The following CDH13 variants were observed in gnomAD, a reference collection of about 807,000 sequenced individuals.
CDH13 encodes the protein cadherin-13.
In CDH13, 24 loss-of-function variants were observed where a neutral mutation model predicts 63.8. The observed-to-expected ratio is 0.38, with a 90% CI of 0.27 to 0.53. CDH13 has a LOEUF of 0.53. CDH13 is among the 20% of genes least tolerant of loss of function. The pLI, the probability that CDH13 is intolerant of heterozygous loss-of-function variation, is 0.85. For missense variants in CDH13, 1,049 were observed against 903.1 expected (o/e 1.16, Z -2.07); for synonymous variants, 503 against 355.3 (o/e 1.42, Z -4.67).
At chr16:83,267,273 T>C (rs1907738428) in intron 5 of CDH13, among the ~76,000 whole-genome samples, 1 of 152,184 alleles carries the variant, frequency 6.6e-6, no homozygotes, top group South Asian at 2.1e-4. Flanking sequence ...ATTCCCCACC[T>C]CCGCAGCATC....
chr16:83,530,238 C>G (rs916162498), intron 7 of CDH13, among the ~76,000 whole-genome samples: 7 of 152,168 alleles, frequency 4.6e-5, no homozygotes, highest in African/African-American at 1.4e-4. Flanking sequence ...CAGTGAAGCT[C>G]TCAGTTGAGA....
intron 1 of CDH13, among the ~76,000 whole-genome samples, chr16:82,854,451 C>G (rs564958850): frequency 6.7e-6 from 1 of 148,998 alleles, no homozygotes; most frequent in East Asian, 2.0e-4. Flanking sequence ...ATAGCAGTAA[C>G]TAGAACATTC....
intron 2 of CDH13, among the ~76,000 whole-genome samples, chr16:82,932,640 C>G (rs766345089): frequency 2.0e-5 from 3 of 152,064 alleles, no homozygotes; most frequent in Non-Finnish European, 4.4e-5. Flanking sequence ...TCTCATGGGA[C>G]GTATTTACTT....
At chr16:83,688,000 A>G (rs1485597960) in intron 10 of CDH13, among the ~76,000 whole-genome samples, 2 of 152,192 alleles carry the variant, frequency 1.3e-5, no homozygotes, top group Non-Finnish European at 2.9e-5. Flanking sequence ...GATGCTTTTT[A>G]ACTTTACAGT....
intron 2 of CDH13, among the ~76,000 whole-genome samples, chr16:82,865,339 A>G (rs1254000590): frequency 6.6e-6 from 1 of 152,220 alleles, no homozygotes; most frequent in African/African-American, 2.4e-5. Context: ...CTTAGCAGAA[A>G]TTCTCCATGA....
At chr16:82,669,718 T>C (rs1056048788) in intron 1 of CDH13, among the ~76,000 whole-genome samples, 1 of 152,224 alleles carries the variant, frequency 6.6e-6, no homozygotes, top group African/African-American at 2.4e-5. Context: ...CTCTAGAATG[T>C]AGATCAATTA....
At chr16:83,468,889 T>C (rs2073386186) in intron 6 of CDH13, among the ~76,000 whole-genome samples, 1 of 152,234 alleles carries the variant, frequency 6.6e-6, no homozygotes, top group Admixed American at 6.5e-5. Flanking sequence ...CCTGCACGCA[T>C]TAGCCCAGTG....
At chr16:83,038,971 T>C (rs1917103301) in intron 3 of CDH13, among the ~76,000 whole-genome samples, 1 of 152,162 alleles carries the variant, frequency 6.6e-6, no homozygotes, top group African/African-American at 2.4e-5. Context: ...TATTCTGACA[T>C]TGGGTTTGGG....
At chr16:82,695,293 C>T (rs1020087474) in intron 1 of CDH13, among the ~76,000 whole-genome samples, 1 of 152,160 alleles carries the variant, frequency 6.6e-6, no homozygotes, top group South Asian at 2.1e-4. Context: ...TTTCTGAATC[C>T]TCAGATGTAA....
chr16:82,741,589 C>T (rs1159257881), intron 1 of CDH13, among the ~76,000 whole-genome samples: 2 of 152,088 alleles, frequency 1.3e-5, no homozygotes, highest in Admixed American at 6.5e-5. Flanking sequence ...CATCTCCATG[C>T]CTGTAACATG....
intron 2 of CDH13, among the ~76,000 whole-genome samples, chr16:82,869,556 A>T (rs769350058): frequency 2.0e-5 from 3 of 152,206 alleles, no homozygotes; most frequent in Non-Finnish European, 4.4e-5. Context: ...ACAAAATTAG[A>T]GTTATCACGT....
At chr16:82,860,549 A>G (rs754567481) in intron 2 of CDH13, among the ~76,000 whole-genome samples, 7 of 152,254 alleles carry the variant, frequency 4.6e-5, no homozygotes, top group African/African-American at 7.2e-5. Flanking sequence ...AATTGAGGAC[A>G]CTTAAATTTT....
intron 2 of CDH13, among the ~76,000 whole-genome samples, chr16:82,904,740 G>A (rs922547009): frequency 6.6e-6 from 1 of 152,158 alleles, no homozygotes. Context: ...GGTTTAACGG[G>A]TGGTCAGTAT....
At chr16:83,192,066 G>A (rs948190398) in intron 4 of CDH13, among the ~76,000 whole-genome samples, 9 of 152,114 alleles carry the variant, frequency 5.9e-5, no homozygotes, top group East Asian at 1.9e-4. Flanking sequence ...CAATCTGCAC[G>A]GATACTCGGT....
At chr16:83,509,175 A>G (rs767904960) in intron 7 of CDH13, among the ~76,000 whole-genome samples, 125 of 152,332 alleles carry the variant, frequency 8.2e-4, no homozygotes, top group Non-Finnish European at 1.6e-3. Context: ...CAAAGATGTA[A>G]GAGCTGATGC....
intron 1 of CDH13, among the ~76,000 whole-genome samples, chr16:82,730,863 T>G (rs2033364533): frequency 6.6e-6 from 1 of 152,240 alleles, no homozygotes; most frequent in South Asian, 2.1e-4. Context: ...AAATGTTTTG[T>G]TAAATACAGC....
intron 8 of CDH13, among the ~76,000 whole-genome samples, chr16:83,634,115 TTC>T (rs61466379): frequency 0.46 from 62,026 of 135,610 alleles, 13,030 homozygotes; most frequent in South Asian, 0.56. Context: ...TTTGTGTGTT[TTC>T]TGTGTGTGTG....
chr16:83,151,418 C>T (rs2036974365), intron 4 of CDH13, among the ~76,000 whole-genome samples: 1 of 152,190 alleles, frequency 6.6e-6, no homozygotes, highest in African/African-American at 2.4e-5. Flanking sequence ...CTGCTCCCTC[C>T]AGCAGGGAAT....
chr16:83,552,205 G>T (rs1176142879), intron 7 of CDH13, among the ~76,000 whole-genome samples: 1 of 152,170 alleles, frequency 6.6e-6, no homozygotes, highest in Non-Finnish European at 1.5e-5. Context: ...CTAGAAAGGA[G>T]CCTGTGGACC....
Sources: gnomAD v4.1 joint callset for allele counts (sites outside exome capture counted in the v4.1 genomes callset) on GRCh38, gnomAD v4.1.1 for gene constraint, MANE v1.5 for transcripts, NCBI Gene and HGNC (gene_info 2026-07-23, HGNC 2026-07-21) for gene names.